The following DEPDC4 variants were observed in gnomAD, a reference collection of about 807,000 sequenced individuals.
The protein encoded by DEPDC4 is DEP domain-containing protein 4.
Under a neutral mutation model 52.0 loss-of-function variants are expected in DEPDC4, and 52 were observed. The observed-to-expected ratio is 1.00, with a 90% CI of 0.80 to 1.26. The LOEUF (loss-of-function observed/expected upper bound fraction) is 1.26. DEPDC4 is among the 50% of genes most tolerant of loss of function. The pLI is 0.00. For synonymous variants in DEPDC4, 201 were observed against 196.8 expected (o/e 1.02, Z -0.18); for missense variants, 530 against 546.9 (o/e 0.97, Z 0.31).
intron 3 of DEPDC4, among the ~76,000 whole-genome samples, chr12:100,258,273 T>TA (rs2153915909): frequency 6.6e-6 from 1 of 152,246 alleles, no homozygotes; most frequent in South Asian, 2.1e-4. Context: ...CATTTGAAGA[T>TA]ACTTCCTAGT....
At chr12:100,279,117 T>A in the DEPDC4 span, among the ~76,000 whole-genome samples, 1 of 152,228 alleles carries the variant, frequency 6.6e-6, no homozygotes, top group Non-Finnish European at 1.5e-5. Flanking sequence ...CCCCAACCTT[T>A]TTGGCACCAG....
At chr12:100,264,555 T>C (rs2096265099) in intron 1 of DEPDC4, among the ~76,000 whole-genome samples, 2 of 152,094 alleles carry the variant, frequency 1.3e-5, no homozygotes, top group African/African-American at 4.8e-5. Context: ...GGCATGCGCC[T>C]GTAATCCCAG....
chr12:100,267,305 G>A (rs899863555), upstream of DEPDC4: 13 of 498,120 alleles, frequency 2.6e-5, no homozygotes, highest in Middle Eastern at 4.2e-3. Context: ...CAGTGGCCAG[G>A]CACGAAGGCA....
chr12:100,244,132 T>C (rs866100132), intron 8 of DEPDC4, among the ~76,000 whole-genome samples: 5,670 of 117,752 alleles, frequency 0.048, 499 homozygotes, highest in African/African-American at 0.15. Flanking sequence ...TATATATATA[T>C]ATACACAAAA....
At chr12:100,237,021 T>TA (rs2096142293), downstream of DEPDC4, among the ~76,000 whole-genome samples, 1 of 152,172 alleles carries the variant, frequency 6.6e-6, no homozygotes, top group African/African-American at 2.4e-5. Flanking sequence ...CTGGGTTCTC[T>TA]ATTCTGTTCC....
At chr12:100,237,890 G>GA (rs1219796814), downstream of DEPDC4, 1 of 168,212 alleles carries the variant, frequency 5.9e-6, no homozygotes, top group Middle Eastern at 2.9e-3. Flanking sequence ...CTGAACAGCA[G>GA]ACGCAACAAC....
intron 8 of DEPDC4, among the ~76,000 whole-genome samples, chr12:100,247,763 A>T (rs2096192017): frequency 1.3e-5 from 2 of 152,208 alleles, no homozygotes; most frequent in Non-Finnish European, 2.9e-5. Flanking sequence ...GTTGCCATAT[A>T]CTCCGTATTC....
the DEPDC4 span, among the ~76,000 whole-genome samples, chr12:100,273,452 A>G: frequency 6.6e-6 from 1 of 151,998 alleles, no homozygotes; most frequent in Non-Finnish European, 1.5e-5. Flanking sequence ...AAGATTTTTC[A>G]TAGCTTATTT....
At chr12:100,268,506 T>C (rs890056096), upstream of DEPDC4, among the ~76,000 whole-genome samples, 18 of 152,180 alleles carry the variant, frequency 1.2e-4, no homozygotes, top group African/African-American at 4.3e-4. Context: ...AACATTAAAC[T>C]GTAATCATAA....
chr12:100,241,591 A>C lies in DEPDC4; in HGVS notation c.*301T>G. 1 of 811,882 alleles carries C rather than the reference A, an allele frequency of 1.2e-6. No individual in the cohort carries two copies. 50.3% of individuals were successfully genotyped at this position (811,882 alleles called of 1,614,324 possible). A position where few individuals can be genotyped will look rare whatever the true frequency, so the allele number is the denominator to read the frequency against. On this transcript the variant is annotated 3_prime_UTR_variant, in exon 10 of 10. Transcript: ENST00000550587. ...ATCCTTTGAGATTATGCTTTCTCTG[A>C]AGTGTAAGTATGGCAATTTGAGAAA...
intron 7 of DEPDC4, among the ~76,000 whole-genome samples, chr12:100,251,869 T>G (rs1414567249): frequency 4.0e-5 from 6 of 151,826 alleles, no homozygotes; most frequent in African/African-American, 1.5e-4. Context: ...GTGCCCGGCC[T>G]GTTATCTTTC....
the DEPDC4 span, among the ~76,000 whole-genome samples, chr12:100,281,121 C>G: frequency 6.7e-6 from 1 of 150,096 alleles, no homozygotes; most frequent in African/African-American, 2.5e-5. Flanking sequence ...CTCCCTCTCC[C>G]GGGCTCAAAC....
chr12:100,261,775 G>T (rs1230932415), intron 3 of DEPDC4: 3 of 456,574 alleles, frequency 6.6e-6, no homozygotes, highest in Non-Finnish European at 1.3e-5. Flanking sequence ...ACTCCTACAG[G>T]GAAGAGAAGG....
rs1250181920 is a variant in DEPDC4, at chr12:100,267,073, C to T, written c.4G>A (p.Val2Met). The change falls in exon 1 of 10, where the codon GTG becomes ATG. Residue 2 changes from valine to methionine, a missense_variant. Val to Met is a conservative substitution (Grantham distance 21). Coordinates refer to ENST00000550587, the MANE Select transcript of DEPDC4 (RefSeq NM_001364818.2). M[V>M]PGEEPARELM... ...TCGCGCGCTGGCTCCTCCCCTGGCACCATAGCCCCGCCCCACCTGACACCC... is the reference window on the plus strand; with the variant it reads ...TCGCGCGCTGGCTCCTCCCCTGGCATCATAGCCCCGCCCCACCTGACACCC... The T allele has an allele frequency of 3.1e-6, 5 of 1,612,846 alleles. No individual in the cohort carries two copies. The highest frequency in any genetic ancestry group is 1.7e-6 in the Non-Finnish European group (2 of 1,179,414).
chr12:100,270,424 C>T (rs977870494), upstream of DEPDC4, among the ~76,000 whole-genome samples: 26 of 152,124 alleles, frequency 1.7e-4, no homozygotes, highest in Admixed American at 1.5e-3. Context: ...TGTCACCCCT[C>T]TGCTACTGCT....
the DEPDC4 span, among the ~76,000 whole-genome samples, chr12:100,273,538 A>G: frequency 3.3e-5 from 5 of 152,212 alleles, no homozygotes; most frequent in Non-Finnish European, 4.4e-5. Flanking sequence ...AAACCACCAA[A>G]TGAATTTCCA....
the DEPDC4 span, among the ~76,000 whole-genome samples, chr12:100,276,376 A>G: frequency 2.0e-4 from 31 of 152,058 alleles, no homozygotes; most frequent in African/African-American, 7.5e-4. Context: ...TTTGTCACGC[A>G]GGCCAGAGGA....
chr12:100,252,212 G>A lies in DEPDC4; in HGVS notation c.1338C>T (p.Val446=). 1.5e-6 allele frequency: 2 copies of A among 1,293,552 alleles called. No individual in the cohort carries two copies. 80.1% of individuals were successfully genotyped at this position (1,293,552 alleles called of 1,614,324 possible). A position where few individuals can be genotyped will look rare whatever the true frequency, so the allele number is the denominator to read the frequency against. ...CAGAGTGGTACTCCAGTGGAAACCAGACCAGTTGTTCTGCCCGCACTTTTA... is the reference window on the plus strand; with the variant it reads ...CAGAGTGGTACTCCAGTGGAAACCAAACCAGTTGTTCTGCCCGCACTTTTA... The part of the protein sequence containing the change: ...SLLKVRAEQL[V]WFPLEYHSEL... Residue 446 remains valine (V), a synonymous_variant, in exon 7 of 10, where the codon GTC becomes GTT. Coordinates refer to ENST00000550587, the MANE Select transcript of DEPDC4 (RefSeq NM_001364818.2).
At chr12:100,248,668 C>T (rs1196646518) in intron 8 of DEPDC4, among the ~76,000 whole-genome samples, 2 of 152,132 alleles carry the variant, frequency 1.3e-5, no homozygotes, top group Non-Finnish European at 2.9e-5. Context: ...GAATTGGGAG[C>T]AGCAGTGAGA....
Sources: gnomAD v4.1 joint callset for allele counts (sites outside exome capture counted in the v4.1 genomes callset) on GRCh38, gnomAD v4.1.1 for gene constraint, MANE v1.5 for transcripts, NCBI Gene and HGNC (gene_info 2026-07-23, HGNC 2026-07-21) for gene names.